CHD4: variants seen among roughly 807,000 people sequenced by gnomAD.
CHD4 encodes the protein chromodomain helicase DNA binding protein 4.
Under a neutral mutation model 235.5 loss-of-function variants are expected in CHD4, and 35 were observed. The observed-to-expected ratio is 0.15, with a 90% confidence interval of 0.11 to 0.20. The LOEUF (loss-of-function observed/expected upper bound fraction) is 0.20. Ranked by LOEUF, CHD4 falls within the 10% of genes least tolerant of loss-of-function variation. CHD4 has a pLI of 1.00. For missense variants in CHD4, 1,329 were observed against 2,432.3 expected (o/e 0.55, Z 9.54); for synonymous variants, 900 against 850.2 (o/e 1.06, Z -1.02).
intron 15 of CHD4, 117 bp downstream of exon 15, chr12:6,594,342 G>T: frequency 1.3e-6 from 1 of 797,274 alleles, no homozygotes; most frequent in Non-Finnish European, 2.0e-6. Context: ...ATTATCCACA[G>T]TGTTCTTGAA....
At chr12:6,580,639 G>A (rs7311397) in intron 33 of CHD4, 33,457 of 169,232 alleles carry the variant, frequency 0.2, 4,905 homozygotes, top group African/African-American at 0.43. Context: ...CTCAGGAGGC[G>A]GAGGTTGCAG....
At chr12:6,601,827 A>G in intron 4 of CHD4, 61 bp from the exon 5 acceptor site, 1 of 1,570,214 alleles carries the variant, frequency 6.4e-7, no homozygotes, top group Non-Finnish European at 8.8e-7. Flanking sequence ...TGCTAAGCAA[A>G]TTTGTGTGGA....
At chr12:6,598,549 G>T (rs1270781973) in intron 10 of CHD4, 124 bp from the exon 11 acceptor site, 2 of 821,380 alleles carry the variant, frequency 2.4e-6, no homozygotes, top group African/African-American at 1.7e-5. Flanking sequence ...AGTGGCTCAT[G>T]CCTGAAATCC....
In CHD4 at chr12:6,591,752, A is replaced by T. The variant is rs1187887015; in HGVS notation, c.3164T>A (p.Leu1055Gln). 6.2e-7 allele frequency: 1 copy of T among 1,614,130 alleles called. No individual in the cohort carries two copies. Among genetic ancestry groups the T allele is most frequent in the African/African-American group, 1.3e-5 (1 of 74,950 alleles). The change falls in exon 21 of 40, where the codon CTG becomes CAG. Residue 1055 changes from leucine to glutamine, a missense_variant. Transcript: ENST00000544040. ...LIRASGKLLL[L>Q]QKMLKNLKEG... ...CTTAAGGTTCTTGAGCATTTTCTGCAGCAGCAATAATTTCCCAGATGCTCT... is the reference window on the plus strand; with the variant it reads ...CTTAAGGTTCTTGAGCATTTTCTGCTGCAGCAATAATTTCCCAGATGCTCT...
At chr12:6,599,624 A>G (rs1228405064) in intron 10 of CHD4, 149 bp downstream of exon 10, 2 of 984,444 alleles carry the variant, frequency 2.0e-6, no homozygotes. Context: ...CCCAGGACAA[A>G]AGTATCCCAA....
intron 37 of CHD4, among the ~76,000 whole-genome samples, chr12:6,576,044 G>A (rs575154781): frequency 2.3e-4 from 35 of 151,598 alleles, no homozygotes; most frequent in African/African-American, 6.5e-4. Context: ...ATTCCCTCTC[G>A]AGAACTTTTT....
intron 13 of CHD4, among the ~76,000 whole-genome samples, chr12:6,595,771 A>T (rs1948480414): frequency 6.7e-6 from 1 of 148,396 alleles, no homozygotes; most frequent in Non-Finnish European, 1.5e-5. Context: ...CTGGGGGACA[A>T]GAGCAAGACT....
intron 1 of CHD4, 137 bp from the exon 2 acceptor site, chr12:6,606,588 T>C: frequency 2.2e-6 from 1 of 459,442 alleles, no homozygotes; most frequent in Non-Finnish European, 3.8e-6. Context: ...TGAACTTAGT[T>C]CCACACTCCT....
intron 22 of CHD4, 181 bp downstream of exon 22, chr12:6,591,285 G>GA: frequency 3.6e-6 from 2 of 559,662 alleles, no homozygotes. Context: ...TACCCCAAAA[G>GA]AAAAAATCTC....
rs769017025 is a variant in CHD4, at chr12:6,602,121, C to G, written c.277G>C (p.Val93Leu). The G allele has an allele frequency of 6.2e-7, 1 of 1,613,900 alleles. No homozygotes were observed. The highest frequency in any genetic ancestry group is 8.5e-7 in the Non-Finnish European group (1 of 1,179,940). Residue 93 changes from valine to leucine, a missense_variant, in exon 4 of 40, where the codon GTG becomes CTG. By Grantham distance (32) the Val-to-Leu change is conservative. Transcript: ENST00000544040. ...GDSSGEGPEFVEEEEEVALRS... is the reference protein window; with the variant it reads ...GDSSGEGPEFLEEEEEVALRS... ...AGAGCCACCTCTTCCTCCTCCTCCA[C>G]AAACTCTGGCCCCTCCCCAGAGCTG...
At chr12:6,583,444 TCA>T in intron 25 of CHD4, 66 bp from the exon 26 acceptor site, 1 of 1,394,286 alleles carries the variant, frequency 7.2e-7, no homozygotes, top group Non-Finnish European at 9.8e-7. Flanking sequence ...CCCCTGGTCC[TCA>T]CAGTTCCCAC....
chr12:6,587,963 G>T lies in CHD4; in HGVS notation c.3466-14C>A. On this transcript the variant is annotated splice_polypyrimidine_tract_variant and intron_variant, in intron 23 of 39. Coordinates refer to ENST00000544040, the MANE Select transcript of CHD4 (RefSeq NM_001273.5). ...TCTGCTAAAGGCCTGGAGTTGAACA[G>T]GAAATAAAGCCAGAAATTGTATTTT... is the stretch of plus-strand genomic sequence containing the variant. 1 of 1,607,266 alleles carries T rather than the reference G, an allele frequency of 6.2e-7. No homozygotes were observed.
At chr12:6,588,181 G>C (rs553071812) in intron 23 of CHD4, 117 bp downstream of exon 23, 21 of 1,354,926 alleles carry the variant, frequency 1.5e-5, no homozygotes, top group Middle Eastern at 1.9e-4. Context: ...AACACAAAAA[G>C]AATCTGTTGT....
chr12:6,600,903 A>G, intron 7 of CHD4, 23 bp downstream of exon 7: 6 of 1,557,044 alleles, frequency 3.9e-6, no homozygotes, highest in Non-Finnish European at 5.2e-6. Flanking sequence ...CACCCTCCCT[A>G]AAGCGATGGG....
chr12:6,605,143 T>TC (rs1948668602), intron 2 of CHD4, among the ~76,000 whole-genome samples: 1 of 152,096 alleles, frequency 6.6e-6, no homozygotes. Flanking sequence ...AAAGCATCTC[T>TC]CCCAGACCAC....
intron 14 of CHD4, 149 bp downstream of exon 14, chr12:6,595,185 T>C (rs769413202): frequency 1.1e-4 from 65 of 600,990 alleles, no homozygotes; most frequent in Middle Eastern, 4.7e-4. Context: ...TATATAGAGA[T>C]GTGGAGAAGT....
Position 6,591,913 on chromosome 12 carries a change from T to C in CHD4, c.3090+3A>G. The C allele has an allele frequency of 6.2e-7, 1 of 1,614,216 alleles. No homozygotes were observed. ...GGGAGGAACAGGAGATGGCACTACA[T>C]ACCATTGCAGCCACAGGGAAGAGGT... is the stretch of plus-strand genomic sequence containing the variant. On this transcript the variant is annotated splice_donor_region_variant and intron_variant, in intron 20 of 39. Transcript: ENST00000544040.
Position 6,581,934 on chromosome 12 carries a change from C to G in CHD4, c.4516-120G>C, listed in dbSNP as rs934856982. 2.3e-6 allele frequency: 3 copies of G among 1,296,456 alleles called. No homozygotes were observed. The South Asian group carries it at 4.9e-5, about 21-fold the overall frequency. 80.3% of individuals were successfully genotyped at this position (1,296,456 alleles called of 1,614,324 possible). On this transcript the variant is annotated intron_variant, in intron 30 of 39. Coordinates refer to ENST00000544040, the MANE Select transcript of CHD4 (RefSeq NM_001273.5). ...TCTCCTGCCTCAGCCTTCTGAGTAG[C>G]TGGGAATACAGGTGCCCGCCACCAC...
At chr12:6,600,487 A>G (rs754354448) in intron 8 of CHD4, 47 bp downstream of exon 8, 16 of 1,607,808 alleles carry the variant, frequency 1.0e-5, no homozygotes, top group Admixed American at 1.7e-5. Flanking sequence ...TTCTTCCCCA[A>G]TCACTCCCAC....
Sources: allele counts gnomAD v4.1 joint callset (sites outside exome capture counted in the v4.1 genomes callset), GRCh38; gene constraint gnomAD v4.1.1; transcripts MANE v1.5; gene names NCBI Gene and HGNC (gene_info 2026-07-23, HGNC 2026-07-21).